The following PCDHGA7 variants were observed in gnomAD, a reference collection of about 807,000 sequenced individuals.
PCDHGA7 encodes the protein protocadherin gamma subfamily A, 7, also known as protocadherin gamma-A7.
A neutral mutation model predicts 58.3 loss-of-function variants in PCDHGA7; 44 were observed. The observed-to-expected ratio is 0.75, with a 90% confidence interval of 0.59 to 0.97. The LOEUF is 0.97. Among genes scored for constraint, PCDHGA7 ranks in the 50% least tolerant of loss-of-function variants. PCDHGA7 has a pLI of 0.00. For synonymous variants in PCDHGA7, 516 were observed against 504.2 expected, an observed-to-expected ratio of 1.02 and a Z score of -0.31; for missense variants, 1,266 against 1,188.7, an observed-to-expected ratio of 1.06 and a Z score of -0.96.
intron 1 of PCDHGA7, chr5:141,394,275 A>T: frequency 6.2e-7 from 1 of 1,613,910 alleles, no homozygotes; most frequent in Non-Finnish European, 8.5e-7. Context: ...TGCCCAGGTC[A>T]CTTACTCTGT....
At chr5:141,393,348 T>G in intron 1 of PCDHGA7, 1 of 1,613,848 alleles carries the variant, frequency 6.2e-7, no homozygotes, top group Non-Finnish European at 8.5e-7. Context: ...TCACCACTTC[T>G]CCCTGGACGT....
At chr5:141,392,349 A>T (rs60903062) in intron 1 of PCDHGA7, 6,500 of 152,632 alleles carry the variant, frequency 0.043, 224 homozygotes, top group African/African-American at 0.093. Context: ...GAGTAATTTA[A>T]TCCGATGCTA....
chr5:141,474,210 A>G (rs1054533367), intron 1 of PCDHGA7, among the ~76,000 whole-genome samples: 3 of 152,230 alleles, frequency 2.0e-5, no homozygotes, highest in Non-Finnish European at 4.4e-5. Context: ...ATTTTCAAAA[A>G]CCAGATTGTG....
At chr5:141,458,219 C>T (rs2098940224) in intron 1 of PCDHGA7, among the ~76,000 whole-genome samples, 1 of 152,248 alleles carries the variant, frequency 6.6e-6, no homozygotes, top group African/African-American at 2.4e-5. Flanking sequence ...AATAAGTTTC[C>T]TTTCCCAGTC....
At chr5:141,464,916 T>C (rs1298310554) in intron 1 of PCDHGA7, among the ~76,000 whole-genome samples, 1 of 152,024 alleles carries the variant, frequency 6.6e-6, no homozygotes, top group Non-Finnish European at 1.5e-5. Flanking sequence ...TTTTTTTATT[T>C]TTTTGTAGAG....
At chr5:141,499,966 G>A (rs1403177792) in intron 2 of PCDHGA7, among the ~76,000 whole-genome samples, 1 of 151,988 alleles carries the variant, frequency 6.6e-6, no homozygotes, top group African/African-American at 2.4e-5. Flanking sequence ...GGGATTACAG[G>A]TGTGAGCCAC....
Position 141,432,169 on chromosome 5 carries a change from C to T in PCDHGA7, c.2424+46846C>T. On this transcript the variant is annotated intron_variant, in intron 1 of 3. Transcript: ENST00000518325. The surrounding 1 kb of genome is among the most constrained non-coding windows in gnomAD (Gnocchi z 6.0). ...CAGAGAACAATCCCAGAGGAGTTTCCCTCGTCTCTGTGACCGCCCACGACC... is the reference window on the plus strand; with the variant it reads ...CAGAGAACAATCCCAGAGGAGTTTCTCTCGTCTCTGTGACCGCCCACGACC... The T allele has an allele frequency of 6.2e-7, 1 of 1,614,204 alleles. No homozygotes were observed. The highest frequency in any genetic ancestry group is 1.6e-4 in the Middle Eastern group (1 of 6,062).
intron 1 of PCDHGA7, among the ~76,000 whole-genome samples, chr5:141,481,675 C>T (rs943204061): frequency 4.0e-5 from 6 of 151,490 alleles, no homozygotes; most frequent in Non-Finnish European, 5.9e-5. Context: ...AAAATCAGGC[C>T]GGGCCTGGTG....
Position 141,427,790 on chromosome 5 carries a change from C to T in PCDHGA7, c.2424+42467C>T, listed in dbSNP as rs1212280689. ...TGGAGCTGCGGGCACTGTCGTCCTACGTGTCCGTGAGCGCACAGAGCGGGG... is the reference window on the plus strand; with the variant it reads ...TGGAGCTGCGGGCACTGTCGTCCTATGTGTCCGTGAGCGCACAGAGCGGGG... On this transcript the variant is annotated intron_variant, in intron 1 of 3. Transcript: ENST00000518325. 2.0e-6 allele frequency: 3 copies of T among 1,482,108 alleles called. No homozygotes were observed. The Admixed American group carries it at 5.0e-5, about 25-fold the overall frequency. 91.8% of individuals were successfully genotyped at this position (1,482,108 alleles called of 1,614,324 possible).
At chr5:141,433,828 ACT>A (rs1431945413) in intron 1 of PCDHGA7, among the ~76,000 whole-genome samples, 2 of 142,254 alleles carry the variant, frequency 1.4e-5, no homozygotes, top group Admixed American at 7.0e-5. Flanking sequence ...CAAGAGTGAA[ACT>A]CTATCTCAAA....
Position 141,414,170 on chromosome 5 carries a change from T to C in PCDHGA7, c.2424+28847T>C, listed in dbSNP as rs1411353386. The C allele has an allele frequency of 6.2e-7, 1 of 1,606,208 alleles. No homozygotes were observed. The highest frequency in any genetic ancestry group is 1.7e-5 in the Admixed American group (1 of 58,580). The stretch of plus-strand genomic sequence containing the variant: ...CAAGCAGAAGATGGAGGAGCATATC[T>C]TGCAACTGCAAAAGTGTTGATTACA... On this transcript the variant is annotated intron_variant, in intron 1 of 3. Coordinates refer to ENST00000518325, the MANE Select transcript of PCDHGA7 (RefSeq NM_018920.4).
At chr5:141,399,763 G>A (rs753865606) in intron 1 of PCDHGA7, 8 of 1,613,378 alleles carry the variant, frequency 5.0e-6, no homozygotes, top group Admixed American at 1.7e-5. Context: ...GAGCCTGCGC[G>A]TGTTGGTGGG....
rs2097721634 is a variant in PCDHGA7, at chr5:141,434,835, A to G, written c.2424+49512A>G. On this transcript the variant is annotated intron_variant, in intron 1 of 3. Coordinates refer to ENST00000518325, the MANE Select transcript of PCDHGA7 (RefSeq NM_018920.4). ...ATATCCCTTAGTACACTTGGCATTT[A>G]TAAAGCAGACATCAATAAATTTATA... 2.0e-5 allele frequency among the ~76,000 whole-genome samples: 3 copies of G among 151,972 alleles called. 1 individual carries two copies. In the South Asian group the frequency reaches 6.2e-4, roughly 32 times the overall value.
intron 1 of PCDHGA7, among the ~76,000 whole-genome samples, chr5:141,437,156 G>A (rs2097864365): frequency 6.6e-6 from 1 of 152,172 alleles, no homozygotes. Flanking sequence ...TAACATATGT[G>A]TTGATTGTTT....
At chr5:141,495,102 C>A (rs1344771035) in intron 2 of PCDHGA7, among the ~76,000 whole-genome samples, 3 of 152,160 alleles carry the variant, frequency 2.0e-5, no homozygotes, top group Non-Finnish European at 4.4e-5. Flanking sequence ...CTCGCCACGA[C>A]CGGCACCTTT....
chr5:141,490,184 TC>T lies in PCDHGA7; in HGVS notation c.2425-4622del, dbSNP rs1293752541. The T allele has an allele frequency of 1.2e-6, 2 of 1,614,196 alleles. No individual in the cohort carries two copies. The highest frequency in any genetic ancestry group is 1.7e-6 in the Non-Finnish European group (2 of 1,180,030). On this transcript the variant is annotated intron_variant, in intron 1 of 3. Coordinates refer to ENST00000518325, the MANE Select transcript of PCDHGA7 (RefSeq NM_018920.4). This position sits in a 1 kb window ranked among gnomAD's most constrained non-coding sequence, Gnocchi z 5.4. The stretch of plus-strand genomic sequence containing the variant: ...CCCATAGACTTTGAGGAGTCACGTT[TC>T]TATGAAATTCATGCAAGAGCCCGTG...
chr5:141,460,979 GTGTGTATATATATATA>G (rs2099004425), intron 1 of PCDHGA7, among the ~76,000 whole-genome samples: 1 of 134,290 alleles, frequency 7.4e-6, no homozygotes, highest in Non-Finnish European at 1.5e-5. Flanking sequence ...GTGTGTGTGT[GTGTGTATATATATATA>G]TGTGTATATA....
intron 1 of PCDHGA7, chr5:141,385,657 C>A: frequency 1.6e-6 from 1 of 611,856 alleles, no homozygotes; most frequent in Non-Finnish European, 2.2e-6. Context: ...ACAAGGTTAG[C>A]AGGAATAAAA....
chr5:141,502,866 CTTTT>C (rs549047197), intron 2 of PCDHGA7, among the ~76,000 whole-genome samples: 1 of 128,042 alleles, frequency 7.8e-6, no homozygotes. Context: ...GACTCTCTGT[CTTTT>C]TTTTTTTTTT....
Sources: allele counts gnomAD v4.1 joint callset (sites outside exome capture counted in the v4.1 genomes callset), GRCh38; gene constraint gnomAD v4.1.1; non-coding constraint Gnocchi (gnomAD v3.1); transcripts MANE v1.5; gene names NCBI Gene and HGNC (gene_info 2026-07-23, HGNC 2026-07-21).